The following CCDC178 variants were observed in gnomAD, a reference collection of about 807,000 sequenced individuals.
CCDC178 encodes the protein coiled-coil domain-containing protein 178.
In CCDC178, 126 loss-of-function variants were observed where a neutral mutation model predicts 117.4. The ratio of observed to expected loss-of-function variants is 1.07; its 90% CI spans 0.93 to 1.24. The LOEUF (loss-of-function observed/expected upper bound fraction) is 1.24, where lower values mean the gene tolerates loss of function less well. Ranked by LOEUF, CCDC178 falls within the 50% of genes most tolerant of loss-of-function variation. The pLI is 0.00. For missense variants in CCDC178, 1,030 were observed against 986.9 expected, an observed-to-expected ratio of 1.04 and a Z score of -0.59; for synonymous variants, 283 against 313.4, an observed-to-expected ratio of 0.90 and a Z score of 1.02.
intron 21 of CCDC178, among the ~76,000 whole-genome samples, chr18:33,020,836 A>T (rs2056102083): frequency 6.6e-6 from 1 of 152,076 alleles, no homozygotes; most frequent in Non-Finnish European, 1.5e-5. Context: ...GGTTGTATTT[A>T]CTGACTATAT....
At chr18:32,984,250 C>T (rs1159963506) in intron 21 of CCDC178, among the ~76,000 whole-genome samples, 2 of 151,696 alleles carry the variant, frequency 1.3e-5, no homozygotes, top group African/African-American at 4.8e-5. Flanking sequence ...ATTTGGATCT[C>T]TGCTAATATA....
At position 33,005,552 on chromosome 18, in the gene CCDC178, C is replaced by T. The variant is rs191610343; in HGVS notation, c.2389-30871G>A. Among the ~76,000 whole-genome samples, 8 of 151,778 alleles carry T rather than the reference C, an allele frequency of 5.3e-5. 1 individual carries two copies. The highest frequency in any genetic ancestry group is 3.3e-4 in the Admixed American group (5 of 15,232). ...AAATAAGATCTAGTATTTGATAACG[C>T]AACAGAGTGACAACAGACAACAATA... On this transcript the variant is annotated intron_variant, in intron 21 of 22. Transcript: ENST00000383096.
intron 20 of CCDC178, among the ~76,000 whole-genome samples, chr18:33,093,672 CT>C (rs1326561896): frequency 6.6e-6 from 1 of 151,306 alleles, no homozygotes; most frequent in African/African-American, 2.4e-5. Flanking sequence ...AGTTTAGTTT[CT>C]GATTTTTTTT....
intron 18 of CCDC178, 50 bp downstream of exon 18, chr18:33,223,056 A>T (rs772188259): frequency 7.5e-7 from 1 of 1,338,410 alleles, no homozygotes; most frequent in Admixed American, 2.1e-5. Context: ...GTTTTCACTG[A>T]CATACATAAA....
chr18:33,094,013 C>A (rs1417121670), intron 20 of CCDC178, among the ~76,000 whole-genome samples: 2 of 151,802 alleles, frequency 1.3e-5, no homozygotes, highest in Admixed American at 6.6e-5. Context: ...TGTTGCCATG[C>A]GAGAATGTGT....
intron 21 of CCDC178, among the ~76,000 whole-genome samples, chr18:33,040,831 G>A (rs1165568819): frequency 2.6e-5 from 4 of 151,874 alleles, no homozygotes; most frequent in Non-Finnish European, 5.9e-5. Flanking sequence ...GGACAATGCT[G>A]GTGAACAGGC....
At chr18:32,999,992 C>T (rs1178241255) in intron 21 of CCDC178, among the ~76,000 whole-genome samples, 2 of 151,956 alleles carry the variant, frequency 1.3e-5, no homozygotes, top group African/African-American at 4.8e-5. Context: ...AATAAGACCT[C>T]ACCAAATGAA....
chr18:33,379,712 G>A (rs1056224966), intron 5 of CCDC178, among the ~76,000 whole-genome samples: 2 of 152,152 alleles, frequency 1.3e-5, no homozygotes, highest in Non-Finnish European at 2.9e-5. Flanking sequence ...TGTTCCAGAT[G>A]TCTGAAGATC....
At chr18:33,265,461 T>C (rs562330015) in intron 14 of CCDC178, among the ~76,000 whole-genome samples, 3 of 152,144 alleles carry the variant, frequency 2.0e-5, no homozygotes, top group East Asian at 1.9e-4. Flanking sequence ...TTTCACAGGA[T>C]AGTCAGCTGT....
At chr18:33,196,576 G>A (rs960864104) in intron 20 of CCDC178, among the ~76,000 whole-genome samples, 1 of 152,162 alleles carries the variant, frequency 6.6e-6, no homozygotes, top group Non-Finnish European at 1.5e-5. Context: ...AGTGAGGGCA[G>A]TCTGGTGGGG....
intron 6 of CCDC178, among the ~76,000 whole-genome samples, chr18:33,357,289 A>G (rs1330839805): frequency 3.3e-5 from 5 of 152,092 alleles, no homozygotes; most frequent in Non-Finnish European, 7.4e-5. Flanking sequence ...ACCTTGGCAA[A>G]ATAAACCTCT....
chr18:33,010,082 A>G (rs544735654), intron 21 of CCDC178, among the ~76,000 whole-genome samples: 5 of 152,150 alleles, frequency 3.3e-5, no homozygotes, highest in Non-Finnish European at 7.4e-5. Flanking sequence ...GTAAAAGAAT[A>G]TAGGGTATTG....
In CCDC178 at chr18:33,362,600, C is replaced by T. The variant is rs549158582; in HGVS notation, c.349-6254G>A. Among the ~76,000 whole-genome samples, 134 of 152,006 alleles carry T rather than the reference C, an allele frequency of 8.8e-4. 1 individual carries two copies. The highest frequency in any genetic ancestry group is 1.4e-3 in the Non-Finnish European group (97 of 67,888). On this transcript the variant is annotated intron_variant, in intron 6 of 22. Coordinates refer to ENST00000383096, the MANE Select transcript of CCDC178 (RefSeq NM_001105528.4). Reference sequence around the variant, plus strand: ...CACTATGTGAAATATATGAGACTAACATAGATATGTTAGCCGGCTTCACTA... The same window carrying T: ...CACTATGTGAAATATATGAGACTAATATAGATATGTTAGCCGGCTTCACTA...
At chr18:33,087,011 CACAACAA>C (rs1437737666) in intron 21 of CCDC178, among the ~76,000 whole-genome samples, 2 of 139,898 alleles carry the variant, frequency 1.4e-5, no homozygotes, top group Non-Finnish European at 3.1e-5. Flanking sequence ...CACACACACA[CACAACAA>C]AATAGCCATT....
intron 12 of CCDC178, among the ~76,000 whole-genome samples, chr18:33,275,700 G>A (rs1458518318): frequency 6.9e-6 from 1 of 144,410 alleles, no homozygotes; most frequent in African/African-American, 2.6e-5. Context: ...GGGGAAGCGG[G>A]GAGAGAAGGG....
intron 20 of CCDC178, among the ~76,000 whole-genome samples, chr18:33,135,828 A>G (rs1182080354): frequency 1.3e-5 from 2 of 152,000 alleles, no homozygotes; most frequent in Non-Finnish European, 2.9e-5. Context: ...TGACAGACTG[A>G]CTCTTGGTCT....
At chr18:33,032,895 C>T (rs2056372423) in intron 21 of CCDC178, among the ~76,000 whole-genome samples, 1 of 152,006 alleles carries the variant, frequency 6.6e-6, no homozygotes, top group African/African-American at 2.4e-5. Flanking sequence ...CCTCTTCTAC[C>T]TTTCCTCAGC....
intron 20 of CCDC178, among the ~76,000 whole-genome samples, chr18:33,115,194 C>T (rs1479979491): frequency 1.3e-5 from 2 of 151,986 alleles, no homozygotes; most frequent in African/African-American, 2.4e-5. Context: ...GTATTATCTT[C>T]GCCATTTACT....
chr18:33,439,011 A>C (rs762055580), intron 2 of CCDC178, among the ~76,000 whole-genome samples: 62 of 152,190 alleles, frequency 4.1e-4, no homozygotes, highest in Non-Finnish European at 7.8e-4. Context: ...CATTGCTGTC[A>C]ATCGTAGTAA....
Sources: gnomAD v4.1 joint callset for allele counts (sites outside exome capture counted in the v4.1 genomes callset) on GRCh38, gnomAD v4.1.1 for gene constraint, MANE v1.5 for transcripts, NCBI Gene and HGNC (gene_info 2026-07-23, HGNC 2026-07-21) for gene names.